CHD2: variants seen among roughly 807,000 people sequenced by gnomAD.
CHD2 encodes ATP-dependent chromatin remodeler CHD2.
Under a neutral mutation model 243.9 loss-of-function variants are expected in CHD2, and 28 were observed. The ratio of observed to expected loss-of-function variants is 0.11; its 90% CI spans 0.09 to 0.16. The LOEUF is 0.16. Among genes scored for constraint, CHD2 ranks in the 10% least tolerant of loss-of-function variants. The pLI, the probability that CHD2 is intolerant of heterozygous loss-of-function variation, is 1.00. For missense variants in CHD2, 1,386 were observed against 2,209.8 expected (o/e 0.63, Z 7.47); for synonymous variants, 775 against 779.0 (o/e 0.99, Z 0.09).
chr15:92,929,405 C>G (rs1269553843), intron 5 of CHD2, among the ~76,000 whole-genome samples: 1 of 152,070 alleles, frequency 6.6e-6, no homozygotes, highest in Non-Finnish European at 1.5e-5. Flanking sequence ...GTATAAATAA[C>G]AAGTACACAG....
At chr15:93,008,938 A>T (rs1335832697) in intron 34 of CHD2, among the ~76,000 whole-genome samples, 1 of 151,862 alleles carries the variant, frequency 6.6e-6, no homozygotes, top group Non-Finnish European at 1.5e-5. Context: ...TTATCACATA[A>T]CTCTAAGCGA....
chr15:92,993,025 T>G, intron 28 of CHD2, 27 bp downstream of exon 28: 1 of 1,611,634 alleles, frequency 6.2e-7, no homozygotes, highest in Non-Finnish European at 8.5e-7. Context: ...TTAGTGAGTC[T>G]TCGCAACCTG....
chr15:92,982,518 G>A (rs1277034366), intron 24 of CHD2, among the ~76,000 whole-genome samples: 1 of 152,174 alleles, frequency 6.6e-6, no homozygotes, highest in African/African-American at 2.4e-5. Flanking sequence ...AGATTGGCTT[G>A]GGAGGCACAG....
chr15:92,923,927 A>G (rs114205699), intron 2 of CHD2, among the ~76,000 whole-genome samples: 2,272 of 152,276 alleles, frequency 0.015, 54 homozygotes, highest in African/African-American at 0.052. Flanking sequence ...GATACTTAAC[A>G]GATAAGACTT....
intron 36 of CHD2, 45 bp downstream of exon 36, chr15:93,012,489 T>G: frequency 7.5e-7 from 1 of 1,341,062 alleles, no homozygotes; most frequent in Non-Finnish European, 1.0e-6. Context: ...AAATACCAAT[T>G]CCACAGAAAA....
intron 2 of CHD2, chr15:92,905,110 C>A: frequency 1.0e-6 from 1 of 961,154 alleles, no homozygotes; most frequent in Non-Finnish European, 1.5e-6. Flanking sequence ...TGGCAGAATA[C>A]AGCGTTAGGC....
intron 37 of CHD2, among the ~76,000 whole-genome samples, chr15:93,017,237 C>G (rs2054472961): frequency 6.6e-6 from 1 of 152,154 alleles, no homozygotes; most frequent in Admixed American, 6.5e-5. Flanking sequence ...CAGAAGTCAT[C>G]TCTTAACTCT....
chr15:92,976,091 A>G (rs1030594143), intron 20 of CHD2, among the ~76,000 whole-genome samples: 16 of 152,120 alleles, frequency 1.1e-4, no homozygotes, highest in Admixed American at 1.0e-3. Context: ...AATATCTGCT[A>G]TTTTTATCAT....
intron 32 of CHD2, among the ~76,000 whole-genome samples, chr15:93,001,960 G>A (rs1044535346): frequency 6.6e-6 from 1 of 152,188 alleles, no homozygotes; most frequent in African/African-American, 2.4e-5. Context: ...AGAATTAAAT[G>A]AGAGGATATC....
At chr15:93,022,465 A>G (rs886261466) in intron 38 of CHD2, among the ~76,000 whole-genome samples, 1 of 152,156 alleles carries the variant, frequency 6.6e-6, no homozygotes, top group African/African-American at 2.4e-5. Context: ...GGGGACACAT[A>G]CCCAAACCGT....
chr15:92,938,275 C>G (rs553689191), intron 6 of CHD2, among the ~76,000 whole-genome samples: 1 of 152,298 alleles, frequency 6.6e-6, no homozygotes, highest in Non-Finnish European at 1.5e-5. Context: ...TAAATTTGAA[C>G]TCCAATTAAG....
At chr15:92,967,273 ATTC>A (rs1472631294) in intron 16 of CHD2, 49 bp from the exon 17 acceptor site, 2 of 1,313,040 alleles carry the variant, frequency 1.5e-6, no homozygotes, top group Non-Finnish European at 2.1e-6. Flanking sequence ...TTTTTTTCCT[ATTC>A]TTCTTTTCCT....
At chr15:92,993,225 G>T in intron 28 of CHD2, 3 of 440,356 alleles carry the variant, frequency 6.8e-6, no homozygotes, top group East Asian at 4.1e-5. Context: ...AAGATGAAAT[G>T]GTTTTTTTTT....
intron 24 of CHD2, among the ~76,000 whole-genome samples, chr15:92,983,905 A>G (rs2054010015): frequency 6.6e-6 from 1 of 152,218 alleles, no homozygotes; most frequent in East Asian, 1.9e-4. Flanking sequence ...GAGTGCTTTG[A>G]GTTATGCATT....
At chr15:92,921,956 A>G (rs1011764688) in intron 2 of CHD2, among the ~76,000 whole-genome samples, 5 of 152,152 alleles carry the variant, frequency 3.3e-5, no homozygotes, top group African/African-American at 1.2e-4. Flanking sequence ...ACAGGTATAA[A>G]GTAAATGACT....
In CHD2 at chr15:92,997,172, C is replaced by G; in HGVS notation, c.3734+77C>G. The G allele has an allele frequency of 6.2e-7, 1 of 1,606,150 alleles. No individual in the cohort carries two copies. The highest frequency in any genetic ancestry group is 1.1e-5 in the South Asian group (1 of 89,738). On this transcript the variant is annotated intron_variant, in intron 29 of 38. Transcript: ENST00000394196. This position sits in a 1 kb window ranked among gnomAD's most constrained non-coding sequence, Gnocchi z 4.1. ...TTTGAAGTTAGACTTTGTGTAGTTC[C>G]ATAGTATTTTTACTGTCTCTTCTTT...
chr15:92,981,323 G>C, intron 23 of CHD2, 42 bp from the exon 24 acceptor site: 2 of 1,465,084 alleles, frequency 1.4e-6, no homozygotes, highest in Middle Eastern at 1.7e-4. Context: ...CAACTCATCT[G>C]TTGCCATTTT....
chr15:92,909,449 C>T (rs570991335), intron 2 of CHD2, among the ~76,000 whole-genome samples: 78 of 152,272 alleles, frequency 5.1e-4, no homozygotes, highest in Middle Eastern at 3.4e-3. Flanking sequence ...GCAGTGCCTG[C>T]TAGCTGGTAA....
intron 26 of CHD2, among the ~76,000 whole-genome samples, chr15:92,987,029 C>T (rs532283292): frequency 6.0e-4 from 91 of 152,250 alleles, no homozygotes; most frequent in African/African-American, 2.0e-3. Flanking sequence ...AGCCACCGTG[C>T]GCAGCCTAGT....
Sources: gnomAD v4.1 joint callset for allele counts (sites outside exome capture counted in the v4.1 genomes callset) on GRCh38, gnomAD v4.1.1 for gene constraint, Gnocchi (gnomAD v3.1) non-coding constraint, MANE v1.5 for transcripts, NCBI Gene and HGNC (gene_info 2026-07-23, HGNC 2026-07-21) for gene names.